Variants in EXTL3 observed in about 807,000 individuals in gnomAD.
EXTL3 encodes the protein exostosin-like 3.
EXTL3 carries 27 observed loss-of-function variants against 69.3 expected under a neutral mutation model. The ratio of observed to expected loss-of-function variants is 0.39; its 90% CI spans 0.29 to 0.54. EXTL3 has a LOEUF of 0.54. Among genes scored for constraint, EXTL3 ranks in the 20% least tolerant of loss-of-function variants. The pLI is 0.69. For missense variants in EXTL3, 1,003 were observed against 1,231.8 expected, an observed-to-expected ratio of 0.81 and a Z score of 2.78; for synonymous variants, 511 against 499.4, an observed-to-expected ratio of 1.02 and a Z score of -0.31.
At chr8:28,668,497 T>C (rs1287515948) in intron 1 of EXTL3, among the ~76,000 whole-genome samples, 6 of 151,650 alleles carry the variant, frequency 4.0e-5, no homozygotes, top group Non-Finnish European at 7.4e-5. Context: ...CCACCATGCC[T>C]GGCTAATTTT....
chr8:28,672,755 T>C (rs949086036), intron 1 of EXTL3, among the ~76,000 whole-genome samples: 2 of 151,886 alleles, frequency 1.3e-5, no homozygotes, highest in African/African-American at 4.8e-5. Context: ...TTGGTGGTGA[T>C]GTATGCATCT....
chr8:28,679,326 G>A (rs564913337), intron 1 of EXTL3, among the ~76,000 whole-genome samples: 109 of 152,186 alleles, frequency 7.2e-4, no homozygotes, highest in African/African-American at 2.4e-3. Context: ...CGTGCCTGTA[G>A]TCCCAGCTAC....
At chr8:28,693,562 G>A (rs1800647680) in intron 1 of EXTL3, among the ~76,000 whole-genome samples, 1 of 152,164 alleles carries the variant, frequency 6.6e-6, no homozygotes, top group Non-Finnish European at 1.5e-5. Context: ...GAGGTAATGA[G>A]TTAACAAATA....
At chr8:28,689,184 C>A (rs1297271287) in intron 1 of EXTL3, among the ~76,000 whole-genome samples, 1 of 152,158 alleles carries the variant, frequency 6.6e-6, no homozygotes, top group South Asian at 2.1e-4. Flanking sequence ...TCGTAATTCT[C>A]CCCCAAATCA....
At position 28,731,292 on chromosome 8, in the gene EXTL3, A is replaced by G. The variant is rs764873000; in HGVS notation, c.2218A>G (p.Ile740Val). The change falls in exon 4 of 7, where the codon ATC (isoleucine) becomes GTC (valine). Residue 740 changes from isoleucine (I) to valine (V), a missense_variant. By Grantham distance (29) the Ile-to-Val change is conservative (BLOSUM62 3). Transcript: ENST00000220562. Reference protein sequence around the residue: ...LPWNEIETEAILSIDDDAHLR... With the variant: ...LPWNEIETEAVLSIDDDAHLR... Reference sequence around the variant, plus strand: ...CTGGAATGAAATTGAGACAGAGGCCATCCTGTCCATTGATGACGATGCTCA... The same window carrying G: ...CTGGAATGAAATTGAGACAGAGGCCGTCCTGTCCATTGATGACGATGCTCA... 8 of 1,614,076 alleles carry G rather than the reference A, an allele frequency of 5.0e-6. No homozygotes were observed. In the South Asian group the frequency reaches 8.8e-5, roughly 18 times the overall value.
intron 1 of EXTL3, among the ~76,000 whole-genome samples, chr8:28,661,106 G>A (rs568235595): frequency 6.6e-6 from 1 of 151,632 alleles, no homozygotes; most frequent in African/African-American, 2.4e-5. Context: ...GTAGAGACGG[G>A]GTTTCATCGT....
intron 1 of EXTL3, among the ~76,000 whole-genome samples, chr8:28,666,369 C>T (rs917988416): frequency 2.6e-5 from 4 of 152,046 alleles, no homozygotes; most frequent in Admixed American, 2.0e-4. Flanking sequence ...TCTCAAACAA[C>T]TGGGCTCAAG....
At chr8:28,719,315 G>A (rs1801242501) in intron 3 of EXTL3, among the ~76,000 whole-genome samples, 1 of 152,166 alleles carries the variant, frequency 6.6e-6, no homozygotes, top group South Asian at 2.1e-4. Flanking sequence ...AGACAACTAA[G>A]GATTCTAGAA....
At chr8:28,619,194 C>T (rs1049541106), upstream of EXTL3, among the ~76,000 whole-genome samples, 1 of 137,138 alleles carries the variant, frequency 7.3e-6, no homozygotes, top group African/African-American at 2.6e-5. Context: ...GACCATATGT[C>T]CTTCTCAAGG....
chr8:28,647,254 G>A (rs767909667), intron 1 of EXTL3, among the ~76,000 whole-genome samples: 11 of 151,984 alleles, frequency 7.2e-5, no homozygotes, highest in South Asian at 4.2e-4. Flanking sequence ...ACAGGTTCCC[G>A]CCACCATGCC....
chr8:28,702,226 C>G (rs918184039), intron 1 of EXTL3, among the ~76,000 whole-genome samples: 3 of 152,232 alleles, frequency 2.0e-5, no homozygotes, highest in African/African-American at 7.2e-5. Context: ...GGGCTCGCCT[C>G]CTTTCAGGAG....
Position 28,750,977 on chromosome 8 carries a change from T to C in EXTL3, c.*111T>C. ...ATCTGCTGGTGGGTGGCCCAGAGCC[T>C]CTGCTGGAAGGGGCAGCAGGAGGAG... is the stretch of plus-strand genomic sequence containing the variant. On this transcript the variant is annotated 3_prime_UTR_variant, in exon 7 of 7. Transcript: ENST00000220562. The surrounding 1 kb of genome is among the most constrained non-coding windows in gnomAD (Gnocchi z 5.2). 1 of 917,130 alleles carries C rather than the reference T, an allele frequency of 1.1e-6. No homozygotes were observed. Among genetic ancestry groups the C allele is most frequent in the Non-Finnish European group, 1.7e-6 (1 of 583,784 alleles). The allele number at this position is 917,130 out of a possible 1,614,324, so 56.8% of individuals were successfully genotyped here.
upstream of EXTL3, chr8:28,697,148 G>C (rs1019476265): frequency 6.6e-6 from 1 of 152,166 alleles, no homozygotes; most frequent in African/African-American, 2.4e-5. Context: ...TATACATTTT[G>C]TGTACATAAT....
intron 2 of EXTL3, among the ~76,000 whole-genome samples, chr8:28,614,407 G>A (rs748949862): frequency 6.6e-6 from 1 of 150,602 alleles, no homozygotes; most frequent in Non-Finnish European, 1.5e-5. Context: ...CTGAGTAGCT[G>A]GATATACAGG....
chr8:28,745,768 C>G (rs1563225674), intron 6 of EXTL3, among the ~76,000 whole-genome samples: 1 of 152,174 alleles, frequency 6.6e-6, no homozygotes, highest in East Asian at 1.9e-4. Flanking sequence ...GTGTGTTTGT[C>G]TACTGCATTA....
intron 5 of EXTL3, 35 bp downstream of exon 5, chr8:28,737,698 G>C: frequency 6.2e-7 from 1 of 1,612,442 alleles, no homozygotes; most frequent in Non-Finnish European, 8.5e-7. Flanking sequence ...CATCGACTTG[G>C]TGAGAGTTTC....
intron 1 of EXTL3, among the ~76,000 whole-genome samples, chr8:28,703,838 C>G (rs73235012): frequency 7.4e-4 from 113 of 152,266 alleles, no homozygotes; most frequent in Admixed American, 2.4e-3. Context: ...TAACATATTT[C>G]TATTTTATTT....
chr8:28,687,328 C>T (rs1458879650), intron 1 of EXTL3, among the ~76,000 whole-genome samples: 2 of 152,050 alleles, frequency 1.3e-5, no homozygotes, highest in Non-Finnish European at 2.9e-5. Flanking sequence ...TAGCCAGGTG[C>T]AGCGGCATGC....
intron 1 of EXTL3, among the ~76,000 whole-genome samples, chr8:28,678,592 C>T (rs1807427893): frequency 6.6e-6 from 1 of 152,158 alleles, no homozygotes; most frequent in Admixed American, 6.5e-5. Flanking sequence ...GCCTGAGACC[C>T]TCACCAGATG....
Sources: allele counts gnomAD v4.1 joint callset (sites outside exome capture counted in the v4.1 genomes callset), GRCh38; gene constraint gnomAD v4.1.1; non-coding constraint Gnocchi (gnomAD v3.1); transcripts MANE v1.5; gene names NCBI Gene and HGNC (gene_info 2026-07-23, HGNC 2026-07-21).